Variants in ANKRD30B observed in about 807,000 individuals in gnomAD.
The protein encoded by ANKRD30B is ankyrin repeat domain-containing protein 30B.
ANKRD30B carries 144 observed loss-of-function variants against 202.2 expected under a neutral mutation model. The observed-to-expected ratio is 0.71, with a 90% CI of 0.62 to 0.82. The LOEUF is 0.82. Ranked by LOEUF, ANKRD30B falls within the 40% of genes least tolerant of loss-of-function variation. The pLI is 0.00. For missense variants in ANKRD30B, 1,487 were observed against 1,669.1 expected (o/e 0.89, Z 1.90); for synonymous variants, 508 against 561.3 (o/e 0.91, Z 1.34).
intron 24 of ANKRD30B, among the ~76,000 whole-genome samples, chr18:14,807,036 C>A (rs1969565787): frequency 6.6e-6 from 1 of 150,962 alleles, no homozygotes; most frequent in African/African-American, 2.4e-5. Flanking sequence ...AAAACACATA[C>A]CTGCAACACG....
chr18:14,833,383 G>C (rs1205475155), intron 34 of ANKRD30B, among the ~76,000 whole-genome samples: 1 of 152,084 alleles, frequency 6.6e-6, no homozygotes, highest in East Asian at 1.9e-4. Context: ...AGAGCAACTG[G>C]AACTACAGGC....
downstream of ANKRD30B, among the ~76,000 whole-genome samples, chr18:14,858,629 C>T (rs1972137302): frequency 7.6e-6 from 1 of 132,228 alleles, no homozygotes; most frequent in Non-Finnish European, 1.7e-5. Flanking sequence ...GGAAGAGGCA[C>T]TCCTCACCTA....
At chr18:14,871,973 A>G in the ANKRD30B span, among the ~76,000 whole-genome samples, 1 of 152,200 alleles carries the variant, frequency 6.6e-6, no homozygotes, top group African/African-American at 2.4e-5. Flanking sequence ...TTTGACTTAC[A>G]TTAGCTTGTT....
At chr18:14,839,605 C>T (rs530430879) in intron 36 of ANKRD30B, among the ~76,000 whole-genome samples, 276 of 152,272 alleles carry the variant, frequency 1.8e-3, no homozygotes, top group Non-Finnish European at 3.3e-3. Context: ...TGAAGGCTTG[C>T]TCTACTTTTC....
the ANKRD30B span, among the ~76,000 whole-genome samples, chr18:14,899,927 A>G: frequency 3.9e-5 from 6 of 152,316 alleles, no homozygotes; most frequent in African/African-American, 1.4e-4. Context: ...TTGTGACTTC[A>G]TTAAATGACG....
chr18:14,797,165 A>C (rs1452254865), intron 18 of ANKRD30B, among the ~76,000 whole-genome samples: 1 of 152,172 alleles, frequency 6.6e-6, no homozygotes, highest in Non-Finnish European at 1.5e-5. Context: ...AGCCGTGGCA[A>C]GATGAGGGCA....
intron 15 of ANKRD30B, among the ~76,000 whole-genome samples, chr18:14,789,208 G>T (rs1375518734): frequency 4.6e-5 from 7 of 152,164 alleles, no homozygotes; most frequent in Non-Finnish European, 8.8e-5. Flanking sequence ...AGAAGTGTCT[G>T]TTCATGTCCT....
At chr18:14,777,924 TC>T (rs1456720537) in intron 9 of ANKRD30B, 60 bp from the exon 10 acceptor site, 1 of 1,229,482 alleles carries the variant, frequency 8.1e-7, no homozygotes, top group Non-Finnish European at 1.2e-6. Flanking sequence ...CTGTGAGACT[TC>T]ATCTCAAAAA....
chr18:14,912,340 T>C, the ANKRD30B span, among the ~76,000 whole-genome samples: 1 of 152,224 alleles, frequency 6.6e-6, no homozygotes, highest in Non-Finnish European at 1.5e-5. Context: ...GAATGCTGAA[T>C]TTTATTGAAG....
At chr18:14,933,460 G>A in the ANKRD30B span, among the ~76,000 whole-genome samples, 1 of 152,174 alleles carries the variant, frequency 6.6e-6, no homozygotes, top group Non-Finnish European at 1.5e-5. Flanking sequence ...CAAGGGGCAG[G>A]AAATTGGGGC....
At chr18:14,940,238 C>T in the ANKRD30B span, among the ~76,000 whole-genome samples, 53 of 152,330 alleles carry the variant, frequency 3.5e-4, no homozygotes, top group African/African-American at 1.2e-3. Context: ...TGTAGAGCTG[C>T]ACCATGGCTT....
In ANKRD30B at chr18:14,782,609, T is replaced by C; in HGVS notation, c.1565T>C (p.Val522Ala). The C allele has an allele frequency of 6.4e-7, 1 of 1,566,926 alleles. No homozygotes were observed. Among genetic ancestry groups the C allele is most frequent in the Non-Finnish European group, 8.6e-7 (1 of 1,160,714 alleles). The change falls in exon 12 of 44, where the codon GTA (valine) becomes GCA (alanine). Residue 522 changes from valine to alanine, a missense_variant. This residue lies in a region of ANKRD30B where 889 missense variants were observed against 841.4 expected (regional missense o/e 1.06). Transcript: ENST00000690538. ...AAAGTAATGGAGATAAATAGAGAAG[T>C]AGAAGGTAAGAACAACTTTTTATTT... ...YQKVMEINRE[V>A]EELPEKPSAF...
At chr18:14,868,383 C>T in the ANKRD30B span, among the ~76,000 whole-genome samples, 1 of 152,264 alleles carries the variant, frequency 6.6e-6, no homozygotes, top group East Asian at 1.9e-4. Flanking sequence ...TGAGTGGCAG[C>T]ATTGTTTTGT....
chr18:14,796,796 A>G (rs1334486059), intron 18 of ANKRD30B, among the ~76,000 whole-genome samples: 5 of 123,498 alleles, frequency 4.0e-5, no homozygotes, highest in African/African-American at 1.6e-4. Context: ...ACCCACATTT[A>G]TTATTAAGTT....
chr18:14,769,197 G>C (rs1916712884), intron 7 of ANKRD30B, 146 bp from the exon 8 acceptor site: 1 of 545,004 alleles, frequency 1.8e-6, no homozygotes, highest in Admixed American at 3.4e-5. Context: ...TCAGACTCCT[G>C]GGCTCCTCAG....
At chr18:14,762,898 A>G (rs948805686) in intron 6 of ANKRD30B, among the ~76,000 whole-genome samples, 5 of 152,186 alleles carry the variant, frequency 3.3e-5, no homozygotes, top group Non-Finnish European at 7.3e-5. Flanking sequence ...TAAGGTGCTC[A>G]TAATACAGAA....
At chr18:14,889,309 C>T in the ANKRD30B span, among the ~76,000 whole-genome samples, 1 of 152,072 alleles carries the variant, frequency 6.6e-6, no homozygotes, top group African/African-American at 2.4e-5. Flanking sequence ...TGTTTCATAA[C>T]TTTTCTTTAT....
In ANKRD30B at chr18:14,792,529, G is replaced by A. The variant is rs181467399; in HGVS notation, c.1825+1038G>A. On this transcript the variant is annotated intron_variant, in intron 16 of 43. Coordinates refer to ENST00000690538, the MANE Select transcript of ANKRD30B (RefSeq NM_001367607.2). The stretch of plus-strand genomic sequence containing the variant: ...AGAGATTATGAGGCAGGAAGCAGGG[G>A]ACAAGAGAGAAGCCAGCTAGATTAT... Among the ~76,000 whole-genome samples the A allele has an allele frequency of 3.8e-3, 571 of 152,176 alleles. 6 individuals carry two copies. The highest frequency in any genetic ancestry group is 3.3e-3 in the Non-Finnish European group (221 of 67,990).
chr18:14,885,688 G>C, the ANKRD30B span, among the ~76,000 whole-genome samples: 1 of 151,960 alleles, frequency 6.6e-6, no homozygotes, highest in Non-Finnish European at 1.5e-5. Context: ...CTATGAGATA[G>C]AAACCCTAAG....
Sources: gnomAD v4.1 joint callset for allele counts (sites outside exome capture counted in the v4.1 genomes callset) on GRCh38, gnomAD v4.1.1 for gene constraint, gnomAD v4.1.1 regional missense constraint, MANE v1.5 for transcripts, NCBI Gene and HGNC (gene_info 2026-07-23, HGNC 2026-07-21) for gene names.